The following VWC2L variants were observed in gnomAD, a reference collection of about 807,000 sequenced individuals.
VWC2L encodes von Willebrand factor C domain containing 2 like.
In VWC2L, 10 loss-of-function variants were observed where a neutral mutation model predicts 21.6. That is an observed-to-expected ratio of 0.46 (90% CI 0.29 to 0.78). The LOEUF is 0.78. Ranked by LOEUF, VWC2L falls within the 30% of genes least tolerant of loss-of-function variation. The pLI is 0.10. For missense variants in VWC2L, 209 were observed against 277.1 expected (o/e 0.75, Z 1.74); for synonymous variants, 96 against 94.3 (o/e 1.02, Z -0.10).
chr2:214,557,208 G>A (rs1433206192), intron 3 of VWC2L, among the ~76,000 whole-genome samples: 1 of 152,144 alleles, frequency 6.6e-6, no homozygotes, highest in African/African-American at 2.4e-5. Context: ...GTTCCACATG[G>A]CTGGGGAGAC....
In VWC2L at chr2:214,411,509, T is replaced by C. The variant is rs1702269592; in HGVS notation, c.-358T>C. 1 of 152,380 alleles carries C rather than the reference T, an allele frequency of 6.6e-6. No individual in the cohort carries two copies. Among genetic ancestry groups the C allele is most frequent in the East Asian group, 1.9e-4 (1 of 5,184 alleles). 9.4% of individuals were successfully genotyped at this position (152,380 alleles called of 1,614,324 possible). On this transcript the variant is annotated 5_prime_UTR_variant, in exon 1 of 4. Transcript: ENST00000312504. ...ATTCTGCTACTGGGGTCTGGATTTCTACAGGACCAGCTTTGCTTCTTGCTT... is the reference window on the plus strand; with the variant it reads ...ATTCTGCTACTGGGGTCTGGATTTCCACAGGACCAGCTTTGCTTCTTGCTT...
chr2:214,412,680 A>G (rs894073764), intron 1 of VWC2L, among the ~76,000 whole-genome samples: 1 of 152,052 alleles, frequency 6.6e-6, no homozygotes, highest in African/African-American at 2.4e-5. Context: ...CTTCCATTTT[A>G]CTATTACTAG....
At chr2:214,520,691 C>T (rs949247327) in intron 3 of VWC2L, among the ~76,000 whole-genome samples, 2 of 152,172 alleles carry the variant, frequency 1.3e-5, no homozygotes, top group African/African-American at 4.8e-5. Flanking sequence ...CTTTTATCAT[C>T]ATTGCCAATT....
At chr2:214,552,010 T>C (rs1376004895) in intron 3 of VWC2L, among the ~76,000 whole-genome samples, 1 of 152,268 alleles carries the variant, frequency 6.6e-6, no homozygotes, top group East Asian at 1.9e-4. Context: ...AAAAGAATTT[T>C]TCTTCCTTTT....
At chr2:214,518,187 T>C (rs1213283019) in intron 3 of VWC2L, among the ~76,000 whole-genome samples, 1 of 151,958 alleles carries the variant, frequency 6.6e-6, no homozygotes, top group Admixed American at 6.6e-5. Flanking sequence ...AATGAATTAG[T>C]ACTGTATGTC....
At chr2:214,571,917 T>C (rs544351398) in intron 3 of VWC2L, among the ~76,000 whole-genome samples, 2 of 152,020 alleles carry the variant, frequency 1.3e-5, no homozygotes, top group Admixed American at 6.6e-5. Context: ...CTCCCCAGTA[T>C]CTGGGACAAC....
In VWC2L at chr2:214,436,759, G is replaced by A. The variant is rs545223120; in HGVS notation, c.520+1G>A. ...CAATGTTGTCCTGTCTGCAAAAATG[G>A]TAAGACCACACTGCATTAGCTTTTG... On this transcript the variant is annotated splice_donor_variant, in intron 3 of 3. Transcript: ENST00000312504. LOFTEE classifies it high-confidence loss of function. 6.2e-7 allele frequency: 1 copy of A among 1,612,998 alleles called. No individual in the cohort carries two copies. Among genetic ancestry groups the A allele is most frequent in the South Asian group, 1.1e-5 (1 of 91,052 alleles).
intron 3 of VWC2L, among the ~76,000 whole-genome samples, chr2:214,492,251 G>A (rs569195427): frequency 6.6e-6 from 1 of 152,336 alleles, no homozygotes; most frequent in East Asian, 1.9e-4. Flanking sequence ...AAGAGGGCAT[G>A]TGATGACTAT....
At chr2:214,514,464 G>A (rs4233997) in intron 3 of VWC2L, among the ~76,000 whole-genome samples, 68,486 of 151,660 alleles carry the variant, frequency 0.45, 16,067 homozygotes, top group East Asian at 0.73. Flanking sequence ...TATGGATATA[G>A]TGCAGTTACA....
intron 3 of VWC2L, among the ~76,000 whole-genome samples, chr2:214,569,635 TG>T (rs1172301959): frequency 5.3e-5 from 8 of 152,178 alleles, no homozygotes; most frequent in Non-Finnish European, 1.2e-4. Context: ...CTTGTCTTCC[TG>T]GCCACTTCAC....
chr2:214,543,957 A>C (rs1689665696), intron 3 of VWC2L, among the ~76,000 whole-genome samples: 1 of 152,230 alleles, frequency 6.6e-6, no homozygotes, highest in African/African-American at 2.4e-5. Flanking sequence ...AGAAGGATCT[A>C]TAGCGCTTTG....
chr2:214,439,795 T>C (rs1702737457), intron 3 of VWC2L, among the ~76,000 whole-genome samples: 1 of 151,814 alleles, frequency 6.6e-6, no homozygotes, highest in South Asian at 2.1e-4. Context: ...TATAGAAATA[T>C]TTGTTTTGAT....
chr2:214,502,286 G>T (rs572347101), intron 3 of VWC2L, among the ~76,000 whole-genome samples: 1 of 151,970 alleles, frequency 6.6e-6, no homozygotes, highest in Non-Finnish European at 1.5e-5. Flanking sequence ...AAATGACAAC[G>T]ATTGGCAGGG....
chr2:214,463,552 C>G (rs192167597), intron 3 of VWC2L, among the ~76,000 whole-genome samples: 3 of 152,116 alleles, frequency 2.0e-5, no homozygotes, highest in African/African-American at 7.2e-5. Context: ...GTATTTAACC[C>G]ACTTATGTTT....
chr2:214,459,852 T>C (rs1251491654), intron 3 of VWC2L, among the ~76,000 whole-genome samples: 1 of 151,910 alleles, frequency 6.6e-6, no homozygotes, highest in East Asian at 1.9e-4. Flanking sequence ...TTTCCCTATA[T>C]GTAAATAGAT....
intron 3 of VWC2L, among the ~76,000 whole-genome samples, chr2:214,562,405 T>C (rs1484087101): frequency 6.6e-6 from 1 of 152,246 alleles, no homozygotes; most frequent in African/African-American, 2.4e-5. Context: ...GATAGGCATT[T>C]AGGTTGATTC....
At chr2:214,560,130 T>C (rs1015304852) in intron 3 of VWC2L, among the ~76,000 whole-genome samples, 1 of 152,190 alleles carries the variant, frequency 6.6e-6, no homozygotes, top group African/African-American at 2.4e-5. Context: ...TGATAGTTGC[T>C]AGCTATCTAC....
intron 3 of VWC2L, among the ~76,000 whole-genome samples, chr2:214,487,029 G>T (rs1688681531): frequency 6.6e-6 from 1 of 152,150 alleles, no homozygotes; most frequent in African/African-American, 2.4e-5. Context: ...TAATAGGACT[G>T]GTGTCCCTAT....
At chr2:214,441,130 T>C (rs1261645290) in intron 3 of VWC2L, among the ~76,000 whole-genome samples, 1 of 151,868 alleles carries the variant, frequency 6.6e-6, no homozygotes, top group East Asian at 1.9e-4. Context: ...GGGCAGAAAA[T>C]AAACTAGGCA....
Sources: allele counts gnomAD v4.1 joint callset (sites outside exome capture counted in the v4.1 genomes callset), GRCh38; gene constraint gnomAD v4.1.1; transcripts MANE v1.5; gene names NCBI Gene and HGNC (gene_info 2026-07-23, HGNC 2026-07-21).